CDH23: variants seen among roughly 807,000 people sequenced by gnomAD.
CDH23 encodes the protein cadherin-23.
Under a neutral mutation model 317.1 loss-of-function variants are expected in CDH23, and 189 were observed. That is an observed-to-expected ratio of 0.60 (90% confidence interval 0.53 to 0.67). The LOEUF (loss-of-function observed/expected upper bound fraction) is 0.67, where lower values mean the gene tolerates loss of function less well. Among genes scored for constraint, CDH23 ranks in the 30% least tolerant of loss-of-function variants. The probability of loss-of-function intolerance (pLI) is 0.00; values close to 1 mark genes in which losing one functional copy is unlikely to be tolerated. For missense variants in CDH23, 4,401 were observed against 4,592.4 expected (o/e 0.96, Z 1.20); for synonymous variants, 1,839 against 1,876.8 (o/e 0.98, Z 0.52).
chr10:71,701,766 C>G (rs1194802401), intron 22 of CDH23, among the ~76,000 whole-genome samples: 1 of 152,126 alleles, frequency 6.6e-6, no homozygotes, highest in Non-Finnish European at 1.5e-5. Flanking sequence ...CTCCAAAATC[C>G]AGGGTTTCAA....
chr10:71,691,461 C>T (rs943364251), intron 20 of CDH23, among the ~76,000 whole-genome samples: 17 of 152,214 alleles, frequency 1.1e-4, no homozygotes, highest in African/African-American at 3.9e-4. Context: ...ACTTCCAATA[C>T]GCATTTCTGT....
intron 3 of CDH23, among the ~76,000 whole-genome samples, chr10:71,506,447 G>A (rs1174610204): frequency 6.6e-6 from 1 of 152,220 alleles, no homozygotes; most frequent in Non-Finnish European, 1.5e-5. Flanking sequence ...TCAGCCCTGA[G>A]ATGCAAGGTA....
intron 11 of CDH23, among the ~76,000 whole-genome samples, chr10:71,625,816 C>A (rs2132540809): frequency 6.6e-6 from 1 of 152,286 alleles, no homozygotes. Context: ...CCACGGACCA[C>A]CCAAGGCATC....
chr10:71,688,886 G>A (rs1240628471), intron 19 of CDH23, among the ~76,000 whole-genome samples: 2 of 123,058 alleles, frequency 1.6e-5, no homozygotes, highest in African/African-American at 2.9e-5. Context: ...TGGAGCCAGG[G>A]GTGGTGGAGC....
intron 12 of CDH23, 187 bp from the exon 13 acceptor site, chr10:71,645,644 A>G: frequency 1.3e-6 from 1 of 771,094 alleles, no homozygotes; most frequent in Non-Finnish European, 2.3e-6. Context: ...CAGAGGGCCT[A>G]GACATGGGTG....
At chr10:71,418,982 G>C (rs993477594) in intron 1 of CDH23, among the ~76,000 whole-genome samples, 2 of 152,158 alleles carry the variant, frequency 1.3e-5, no homozygotes, top group African/African-American at 4.8e-5. Context: ...ACTCAACAAA[G>C]GATAGCTACT....
At chr10:71,581,022 C>T (rs554256233) in intron 9 of CDH23, among the ~76,000 whole-genome samples, 19 of 152,268 alleles carry the variant, frequency 1.2e-4, no homozygotes, top group Non-Finnish European at 1.8e-4. Flanking sequence ...CCAGTGTAGA[C>T]GTGGCTGAAA....
chr10:71,423,666 C>A (rs1484471739), intron 1 of CDH23, among the ~76,000 whole-genome samples: 1 of 152,194 alleles, frequency 6.6e-6, no homozygotes, highest in Non-Finnish European at 1.5e-5. Context: ...CCCCAAATTT[C>A]TAGTTCTGTC....
At chr10:71,713,125 C>A (rs2166631) in intron 28 of CDH23, 6 of 776,044 alleles carry the variant, frequency 7.7e-6, no homozygotes, top group Non-Finnish European at 1.4e-5. Context: ...GAGAAAGAGA[C>A]GTCACAATTT....
chr10:71,466,818 A>C (rs1269261628), intron 3 of CDH23, among the ~76,000 whole-genome samples: 1 of 151,944 alleles, frequency 6.6e-6, no homozygotes, highest in Non-Finnish European at 1.5e-5. Flanking sequence ...TGCTTCTTCT[A>C]TATATTTGTA....
intron 6 of CDH23, among the ~76,000 whole-genome samples, chr10:71,525,559 G>A (rs1408610800): frequency 6.6e-6 from 1 of 152,156 alleles, no homozygotes; most frequent in Non-Finnish European, 1.5e-5. Flanking sequence ...CTGGGAAGAG[G>A]CCCCATGGAA....
chr10:71,778,032 G>A, intron 39 of CDH23, 131 bp downstream of exon 39: 1 of 1,424,494 alleles, frequency 7.0e-7, no homozygotes, highest in Non-Finnish European at 9.6e-7. Flanking sequence ...CTCAGTGTGG[G>A]AGGATGAAAA....
intron 23 of CDH23, 44 bp from the exon 24 acceptor site, chr10:71,702,505 C>A (rs754293720): frequency 1.2e-6 from 2 of 1,611,630 alleles, no homozygotes; most frequent in Non-Finnish European, 1.7e-6. Context: ...CTCTTGCACC[C>A]ATCTTACCCT....
In CDH23 at chr10:71,809,935, C is replaced by T. The variant is rs766486853; in HGVS notation, c.8838C>T (p.Ile2946=). ...DLAGHNDTAI[I]GIYILRDDQR... ...CAGGCCACAACGACACGGCCATCATCGGCATCTACATCCTGAGGGACGACC... is the reference window on the plus strand; with the variant it reads ...CAGGCCACAACGACACGGCCATCATTGGCATCTACATCCTGAGGGACGACC... The change falls in exon 61 of 70, where the codon ATC becomes ATT. Residue 2946 remains isoleucine, a synonymous_variant. Transcript: ENST00000224721. 7 of 1,612,890 alleles carry T rather than the reference C, an allele frequency of 4.3e-6. No individual in the cohort carries two copies. Among genetic ancestry groups the T allele is most frequent in the Admixed American group, 1.7e-5 (1 of 60,030 alleles).
At chr10:71,631,796 T>G (rs1282170689) in intron 11 of CDH23, among the ~76,000 whole-genome samples, 1 of 152,154 alleles carries the variant, frequency 6.6e-6, no homozygotes, top group South Asian at 2.1e-4. Flanking sequence ...TGCTAAATAG[T>G]CCTACAGGGA....
intron 15 of CDH23, among the ~76,000 whole-genome samples, chr10:71,675,674 C>A (rs1461937175): frequency 1.3e-5 from 2 of 152,180 alleles, no homozygotes; most frequent in African/African-American, 4.8e-5. Flanking sequence ...AGTCAGACAG[C>A]TATAAGTGCC....
intron 6 of CDH23, among the ~76,000 whole-genome samples, chr10:71,518,629 C>T (rs1854478019): frequency 6.6e-6 from 1 of 152,246 alleles, no homozygotes; most frequent in East Asian, 1.9e-4. Context: ...TGATTTCGGT[C>T]ATCAGCTGTG....
At chr10:71,631,158 C>T (rs145190682) in intron 11 of CDH23, among the ~76,000 whole-genome samples, 4 of 152,272 alleles carry the variant, frequency 2.6e-5, no homozygotes, top group Middle Eastern at 3.4e-3. Context: ...GCAGCAGGAT[C>T]GCTTCAGCCC....
intron 25 of CDH23, among the ~76,000 whole-genome samples, chr10:71,706,592 T>C (rs957609811): frequency 2.0e-5 from 3 of 152,206 alleles, no homozygotes; most frequent in African/African-American, 4.8e-5. Context: ...TGGTCGTTGT[T>C]AGGTGCGTAC....
Sources: allele counts gnomAD v4.1 joint callset (sites outside exome capture counted in the v4.1 genomes callset), GRCh38; gene constraint gnomAD v4.1.1; transcripts MANE v1.5; gene names NCBI Gene and HGNC (gene_info 2026-07-23, HGNC 2026-07-21).